The following DMRT3 variants were observed in gnomAD, a reference collection of about 807,000 sequenced individuals.
DMRT3 encodes doublesex and mab-3 related transcription factor 3.
Under a neutral mutation model 34.9 loss-of-function variants are expected in DMRT3, and 29 were observed. The ratio of observed to expected loss-of-function variants is 0.83; its 90% CI spans 0.62 to 1.13. The LOEUF (loss-of-function observed/expected upper bound fraction) is 1.13. Among genes scored for constraint, DMRT3 ranks in the 50% most tolerant of loss-of-function variants. The probability of loss-of-function intolerance (pLI) is 0.00; values close to 1 mark genes in which losing one functional copy is unlikely to be tolerated. For synonymous variants in DMRT3, 350 were observed against 286.0 expected, an observed-to-expected ratio of 1.22 and a Z score of -2.26; for missense variants, 772 against 629.1, an observed-to-expected ratio of 1.23 and a Z score of -2.43.
Position 977,336 on chromosome 9 carries a change from C to T in DMRT3, c.335C>T (p.Ala112Val). 7.9e-7 allele frequency: 1 copy of T among 1,267,600 alleles called. No individual in the cohort carries two copies. Among genetic ancestry groups the T allele is most frequent in the Non-Finnish European group, 9.9e-7 (1 of 1,009,270 alleles). The allele number at this position is 1,267,600 out of a possible 1,614,324, so 78.5% of individuals were successfully genotyped here. Residue 112 changes from alanine (A) to valine (V), a missense_variant, in exon 1 of 2, where the codon GCC becomes GTC. By Grantham distance (64) the Ala-to-Val change is moderately conservative. Coordinates refer to ENST00000190165, the MANE Select transcript of DMRT3 (RefSeq NM_021240.4). The stretch of plus-strand genomic sequence containing the variant: ...GTCGCCGCCCCGCAGCCGCCGCCAG[C>T]CTCTCAGCCGTCGCAGCCGCAGCCG... ...DAVAAPQPPP[A>V]SQPSQPQPPR...
At chr9:987,122 G>A (rs1236064834) in intron 1 of DMRT3, among the ~76,000 whole-genome samples, 1 of 152,072 alleles carries the variant, frequency 6.6e-6, no homozygotes, top group African/African-American at 2.4e-5. Flanking sequence ...TATTCAAAAT[G>A]TTGTGCAACC....
chr9:990,018 A>G, intron 1 of DMRT3, 23 bp from the exon 2 acceptor site: 1 of 1,611,560 alleles, frequency 6.2e-7, no homozygotes, highest in Non-Finnish European at 8.5e-7. Context: ...GGAAAAGATT[A>G]ACTCAGCTGT....
At chr9:977,705 C>T (rs971593026) in intron 1 of DMRT3, among the ~76,000 whole-genome samples, 2 of 152,224 alleles carry the variant, frequency 1.3e-5, no homozygotes, top group South Asian at 2.1e-4. Context: ...GACTGTGCGT[C>T]AGTATCGCCA....
intron 1 of DMRT3, among the ~76,000 whole-genome samples, chr9:981,741 G>T (rs1008007243): frequency 2.0e-5 from 3 of 152,182 alleles, no homozygotes; most frequent in African/African-American, 7.2e-5. Flanking sequence ...GGGGGCAGCG[G>T]CTCCTTGCGG....
chr9:982,495 C>G (rs1479389001), intron 1 of DMRT3, among the ~76,000 whole-genome samples: 2 of 152,172 alleles, frequency 1.3e-5, no homozygotes, highest in Non-Finnish European at 1.5e-5. Context: ...TTACAGTAAT[C>G]ACAGGAGGAC....
rs1379850141 is a variant in DMRT3 at position 977,048 on chromosome 9, C to G, written c.47C>G (p.Ser16Trp). ...SPYLYMGGPV[S>W]QPPRAPLQRT... ...TACCTGTACATGGGCGGCCCGGTGT[C>G]GCAGCCGCCACGGGCGCCCCTGCAG... is the stretch of plus-strand genomic sequence containing the variant. The change falls in exon 1 of 2, where the codon TCG (serine) becomes TGG (tryptophan). Residue 16 changes from serine to tryptophan, a missense_variant. Ser to Trp is a radical substitution (Grantham distance 177). Coordinates refer to ENST00000190165, the MANE Select transcript of DMRT3 (RefSeq NM_021240.4). 1.9e-6 allele frequency: 3 copies of G among 1,567,488 alleles called. No homozygotes were observed. The highest frequency in any genetic ancestry group is 2.6e-6 in the Non-Finnish European group (3 of 1,158,464).
chr9:982,764 G>A (rs1820237585), intron 1 of DMRT3, among the ~76,000 whole-genome samples: 1 of 152,212 alleles, frequency 6.6e-6, no homozygotes, highest in Non-Finnish European at 1.5e-5. Flanking sequence ...GGAGGACTAA[G>A]CCCAGCAAAA....
At chr9:986,278 G>C (rs1820281362) in intron 1 of DMRT3, among the ~76,000 whole-genome samples, 1 of 151,968 alleles carries the variant, frequency 6.6e-6, no homozygotes, top group South Asian at 2.1e-4. Flanking sequence ...TGTCAGACTT[G>C]TAATCCTGGT....
chr9:977,712 G>C (rs113877127), intron 1 of DMRT3, among the ~76,000 whole-genome samples: 1 of 152,208 alleles, frequency 6.6e-6, no homozygotes, highest in African/African-American at 2.4e-5. Context: ...CGTCAGTATC[G>C]CCAGGTGCCT....
intron 1 of DMRT3, among the ~76,000 whole-genome samples, chr9:978,149 T>C (rs1324391902): frequency 6.6e-6 from 1 of 152,190 alleles, no homozygotes; most frequent in African/African-American, 2.4e-5. Flanking sequence ...CGCCCAGAAT[T>C]CACTCCTTTG....
intron 1 of DMRT3, among the ~76,000 whole-genome samples, chr9:981,746 T>A (rs1820223796): frequency 6.6e-6 from 1 of 152,178 alleles, no homozygotes; most frequent in African/African-American, 2.4e-5. Context: ...CAGCGGCTCC[T>A]TGCGGCCGCA....
At position 977,053 on chromosome 9, in the gene DMRT3, C is replaced by A. The variant is rs1312780408; in HGVS notation, c.52C>A (p.Pro18Thr). 2 of 1,570,722 alleles carry A rather than the reference C, an allele frequency of 1.3e-6. No individual in the cohort carries two copies. Among genetic ancestry groups the A allele is most frequent in the East Asian group, 4.7e-5 (2 of 42,224 alleles). Residue 18 changes from proline to threonine, a missense_variant, in exon 1 of 2, where the codon CCG becomes ACG. Coordinates refer to ENST00000190165, the MANE Select transcript of DMRT3 (RefSeq NM_021240.4). ...GTACATGGGCGGCCCGGTGTCGCAG[C>A]CGCCACGGGCGCCCCTGCAGCGCAC... ...YLYMGGPVSQPPRAPLQRTPK... is the reference protein window; with the variant it reads ...YLYMGGPVSQTPRAPLQRTPK...
intron 1 of DMRT3, among the ~76,000 whole-genome samples, chr9:979,140 G>T (rs1467352708): frequency 6.6e-6 from 1 of 152,162 alleles, no homozygotes; most frequent in African/African-American, 2.4e-5. Context: ...GGGTTCTGTG[G>T]TTTTTATCCA....
chr9:988,935 T>G (rs556494460), intron 1 of DMRT3, among the ~76,000 whole-genome samples: 15 of 152,250 alleles, frequency 9.9e-5, no homozygotes, highest in Non-Finnish European at 1.9e-4. Context: ...TGTTGGAATT[T>G]ACTACTGCAA....
chr9:985,090 A>C (rs16926977), intron 1 of DMRT3, among the ~76,000 whole-genome samples: 41,861 of 151,936 alleles, frequency 0.28, 6,473 homozygotes, highest in African/African-American at 0.39. Flanking sequence ...AAACCTCTTT[A>C]CCCTAGTGCA....
intron 1 of DMRT3, among the ~76,000 whole-genome samples, chr9:984,507 G>A (rs1184424812): frequency 2.0e-5 from 3 of 151,230 alleles, no homozygotes; most frequent in South Asian, 4.2e-4. Flanking sequence ...CGCAGCTGGA[G>A]TGCAGTGGTG....
Position 990,192 on chromosome 9 carries a change from AG to A in DMRT3, c.611del (p.Gly204AspfsTer28), listed in dbSNP as rs762281629. 1.9e-6 allele frequency: 3 copies of A among 1,613,976 alleles called. No individual in the cohort carries two copies. The highest frequency in any genetic ancestry group is 3.3e-5 in the Admixed American group (2 of 60,002). ...GCCCTGAGATAGTGTCCGTGGAGGA[AG>A]GGGGATACGCTGTCCAGAAAAACGG... The part of the protein sequence containing the change: ...ESPEIVSVEE[G>X]GYAVQKNGGN... On this transcript the variant is annotated frameshift_variant, in exon 2 of 2. Transcript: ENST00000190165. LOFTEE classifies it high-confidence loss of function.
intron 1 of DMRT3, among the ~76,000 whole-genome samples, chr9:980,362 G>T (rs550883147): frequency 8.5e-4 from 129 of 152,168 alleles, no homozygotes; most frequent in African/African-American, 3.0e-3. Flanking sequence ...TTTTTAAGGA[G>T]AATTTTCATA....
chr9:977,510 G>A, intron 1 of DMRT3, 55 bp downstream of exon 1: 2 of 1,228,966 alleles, frequency 1.6e-6, no homozygotes, highest in Non-Finnish European at 1.0e-6. Context: ...ACTTCGGAGT[G>A]CCAGCTGCAG....
Sources: allele counts gnomAD v4.1 joint callset (sites outside exome capture counted in the v4.1 genomes callset), GRCh38; gene constraint gnomAD v4.1.1; transcripts MANE v1.5; gene names NCBI Gene and HGNC (gene_info 2026-07-23, HGNC 2026-07-21).